CTNNA2: variants seen among roughly 807,000 people sequenced by gnomAD.
CTNNA2 encodes catenin alpha-2.
In CTNNA2, 42 loss-of-function variants were observed where a neutral mutation model predicts 101.0. That is an observed-to-expected ratio of 0.42 (90% CI 0.32 to 0.54). The LOEUF is 0.54. Among genes scored for constraint, CTNNA2 ranks in the 20% least tolerant of loss-of-function variants. The pLI, the probability that CTNNA2 is intolerant of heterozygous loss-of-function variation, is 0.14. For synonymous variants in CTNNA2, 450 were observed against 456.4 expected, an observed-to-expected ratio of 0.99 and a Z score of 0.18; for missense variants, 871 against 1,223.1, an observed-to-expected ratio of 0.71 and a Z score of 4.29.
At chr2:79,715,410 T>C (rs1428626475) in intron 2 of CTNNA2, among the ~76,000 whole-genome samples, 1 of 152,070 alleles carries the variant, frequency 6.6e-6, no homozygotes, top group East Asian at 1.9e-4. Flanking sequence ...CAGGTAGATT[T>C]GGGGGCAGTA....
intron 7 of CTNNA2, among the ~76,000 whole-genome samples, chr2:79,931,850 G>A (rs1687467078): frequency 1.3e-5 from 2 of 152,082 alleles, no homozygotes; most frequent in African/African-American, 2.4e-5. Flanking sequence ...TCCAAACATG[G>A]GAATCCAGGG....
chr2:79,348,169 A>G (rs1178699936), intron 3 of CTNNA2, among the ~76,000 whole-genome samples: 2 of 152,026 alleles, frequency 1.3e-5, no homozygotes, highest in African/African-American at 2.4e-5. Context: ...ACTCCTATGA[A>G]AACAGTACTC....
chr2:80,345,897 A>G (rs535322531), intron 7 of CTNNA2, among the ~76,000 whole-genome samples: 1 of 152,206 alleles, frequency 6.6e-6, no homozygotes, highest in South Asian at 2.1e-4. Context: ...GGCAAAGTAT[A>G]AAGCCAAACT....
chr2:80,202,050 T>A (rs1707244112), intron 7 of CTNNA2, among the ~76,000 whole-genome samples: 1 of 152,178 alleles, frequency 6.6e-6, no homozygotes, highest in East Asian at 1.9e-4. Flanking sequence ...CATTTTATTT[T>A]CCCTACTAGC....
At chr2:80,402,286 T>C (rs1325689873) in intron 8 of CTNNA2, among the ~76,000 whole-genome samples, 1 of 152,168 alleles carries the variant, frequency 6.6e-6, no homozygotes, top group African/African-American at 2.4e-5. Context: ...CAGCAACCAA[T>C]AGATTTCCAA....
At chr2:79,251,083 CA>C (rs1674765261) in intron 2 of CTNNA2, among the ~76,000 whole-genome samples, 6 of 152,120 alleles carry the variant, frequency 3.9e-5, no homozygotes, top group African/African-American at 1.2e-4. Context: ...TCTGTTTTAT[CA>C]TGAACAAACC....
At chr2:79,482,932 T>A (rs1671123792) in intron 4 of CTNNA2, among the ~76,000 whole-genome samples, 1 of 152,178 alleles carries the variant, frequency 6.6e-6, no homozygotes, top group Non-Finnish European at 1.5e-5. Flanking sequence ...CTAAAAGTCA[T>A]ACAATACATA....
intron 4 of CTNNA2, among the ~76,000 whole-genome samples, chr2:79,460,427 G>T (rs2104535012): frequency 6.6e-6 from 1 of 152,306 alleles, no homozygotes; most frequent in South Asian, 2.1e-4. Context: ...GAAACTGGAA[G>T]TTATTCTAAG....
chr2:79,532,819 T>C (rs1672825950), intron 1 of CTNNA2, among the ~76,000 whole-genome samples: 1 of 151,832 alleles, frequency 6.6e-6, no homozygotes, highest in South Asian at 2.1e-4. Flanking sequence ...GTTCTAATCT[T>C]GCTGAAAAAG....
chr2:79,746,164 G>T (rs777648978), intron 3 of CTNNA2, among the ~76,000 whole-genome samples: 20 of 152,072 alleles, frequency 1.3e-4, no homozygotes, highest in Non-Finnish European at 2.1e-4. Context: ...TACTTATGTC[G>T]AAGAACTTTT....
chr2:79,513,037 C>CCAGG (rs903808136), upstream of CTNNA2: 1 of 152,352 alleles, frequency 6.6e-6, no homozygotes, highest in Non-Finnish European at 1.5e-5. Context: ...AGGCGGAGAC[C>CCAGG]CAGGCGGGCG....
At chr2:80,044,885 A>T (rs1051710159) in intron 7 of CTNNA2, among the ~76,000 whole-genome samples, 16 of 152,118 alleles carry the variant, frequency 1.1e-4, no homozygotes, top group South Asian at 4.1e-4. Flanking sequence ...TATGTCATAA[A>T]CTGATCTAAC....
intron 1 of CTNNA2, among the ~76,000 whole-genome samples, chr2:79,587,316 A>G (rs930106762): frequency 6.6e-6 from 1 of 152,028 alleles, no homozygotes; most frequent in African/African-American, 2.4e-5. Context: ...CCGTGGGCTG[A>G]GTTATTAAAC....
intron 1 of CTNNA2, among the ~76,000 whole-genome samples, chr2:79,188,523 T>G (rs1673811684): frequency 6.6e-6 from 1 of 152,086 alleles, no homozygotes; most frequent in South Asian, 2.1e-4. Context: ...TAGCATCCCT[T>G]GGGGATTGCA....
intron 3 of CTNNA2, among the ~76,000 whole-genome samples, chr2:79,837,124 T>C (rs1205649259): frequency 1.3e-5 from 2 of 152,160 alleles, no homozygotes; most frequent in Admixed American, 6.6e-5. Flanking sequence ...ATGGAATATA[T>C]ATGTATGTGC....
intron 7 of CTNNA2, among the ~76,000 whole-genome samples, chr2:80,095,515 C>T (rs2148828020): frequency 6.6e-6 from 1 of 152,310 alleles, no homozygotes; most frequent in South Asian, 2.1e-4. Flanking sequence ...ATGCTGGCCT[C>T]ATCAAATGAG....
chr2:80,501,557 C>T (rs1390701431), intron 9 of CTNNA2, among the ~76,000 whole-genome samples: 4 of 152,140 alleles, frequency 2.6e-5, no homozygotes, highest in Middle Eastern at 3.2e-3. Context: ...GGTAAAATAA[C>T]AAGGAAGCTG....
chr2:79,823,181 T>G (rs1480891948), intron 3 of CTNNA2, among the ~76,000 whole-genome samples: 1 of 152,214 alleles, frequency 6.6e-6, no homozygotes. Context: ...CTGCCTGTCT[T>G]CCCTAGTAGA....
intron 6 of CTNNA2, among the ~76,000 whole-genome samples, chr2:79,888,405 T>C (rs1684054281): frequency 6.6e-6 from 1 of 152,210 alleles, no homozygotes; most frequent in African/African-American, 2.4e-5. Flanking sequence ...ACCTCTGATA[T>C]TGCTTCTAAA....
Sources: gnomAD v4.1 joint callset for allele counts (sites outside exome capture counted in the v4.1 genomes callset) on GRCh38, gnomAD v4.1.1 for gene constraint, MANE v1.5 for transcripts, NCBI Gene and HGNC (gene_info 2026-07-23, HGNC 2026-07-21) for gene names.